PDXDC1: variants seen among roughly 807,000 people sequenced by gnomAD.
The protein encoded by PDXDC1 is pyridoxal-dependent decarboxylase domain-containing protein 1.
PDXDC1 carries 42 observed loss-of-function variants against 100.1 expected under a neutral mutation model. That is an observed-to-expected ratio of 0.42 (90% confidence interval 0.33 to 0.54). The LOEUF (loss-of-function observed/expected upper bound fraction) is 0.54. Among genes scored for constraint, PDXDC1 ranks in the 20% least tolerant of loss-of-function variants. The pLI is 0.10. For missense variants in PDXDC1, 636 were observed against 979.2 expected, an observed-to-expected ratio of 0.65 and a Z score of 4.68; for synonymous variants, 260 against 371.7, an observed-to-expected ratio of 0.70 and a Z score of 3.46.
At chr16:15,001,015 G>A (rs1973030425) in intron 3 of PDXDC1, among the ~76,000 whole-genome samples, 1 of 151,730 alleles carries the variant, frequency 6.6e-6, no homozygotes, top group South Asian at 2.1e-4. Context: ...AATATTCTCT[G>A]TCTTGTACTC....
intron 16 of PDXDC1, among the ~76,000 whole-genome samples, chr16:15,030,983 C>G (rs1303933882): frequency 1.3e-5 from 2 of 150,450 alleles, no homozygotes; most frequent in African/African-American, 4.9e-5. Context: ...AACAGGGTCT[C>G]ATTTGTCACC....
chr16:14,977,194 C>T (rs1966881623), intron 1 of PDXDC1, among the ~76,000 whole-genome samples: 1 of 150,924 alleles, frequency 6.6e-6, no homozygotes, highest in East Asian at 2.0e-4. Flanking sequence ...GAATTCAGAA[C>T]GTGTGGGCTG....
chr16:14,990,227 G>GGCC, intron 1 of PDXDC1: 1 of 918,992 alleles, frequency 1.1e-6, no homozygotes, highest in Non-Finnish European at 1.3e-6. Flanking sequence ...CCACCGGCCC[G>GGCC]GCCGCCCGTG....
At position 15,049,322 on chromosome 16, in the gene PDXDC1, C is replaced by T. The variant is rs1353147834; in HGVS notation, c.1399+19266C>T. Among the ~76,000 whole-genome samples, 4 of 152,202 alleles carry T rather than the reference C, an allele frequency of 2.6e-5. No individual in the cohort carries two copies. The East Asian group carries it at 7.7e-4, about 29-fold the overall frequency. ...GGGATTACATGCATAAGCCACCATA[C>T]CTGGCCTCCGCTTTTTTACCTTAGT... On this transcript the variant is annotated intron_variant, in intron 16 of 16. Transcript: ENST00000535621.
At chr16:14,976,924 T>A (rs1966864050) in intron 1 of PDXDC1, 1 of 152,316 alleles carries the variant, frequency 6.6e-6, no homozygotes, top group South Asian at 2.1e-4. Context: ...CTTCATGTGA[T>A]TGTAATTGGA....
chr16:15,025,651 G>A (rs1424127836), intron 13 of PDXDC1: 1 of 152,384 alleles, frequency 6.6e-6, no homozygotes, highest in Non-Finnish European at 1.5e-5. Flanking sequence ...TTCCTGTTGC[G>A]GCCCTACCAG....
intron 16 of PDXDC1, chr16:15,061,820 A>C (rs1323944068): frequency 6.2e-7 from 1 of 1,614,084 alleles, no homozygotes; most frequent in East Asian, 2.2e-5. Context: ...ATGCGTGTCA[A>C]AGGAGCTTGG....
chr16:15,044,640 A>G, intron 16 of PDXDC1: 1 of 570,626 alleles, frequency 1.8e-6, no homozygotes, highest in Non-Finnish European at 3.1e-6. Flanking sequence ...GTATCTGAAC[A>G]CAAATGTGAT....
chr16:14,994,277 A>G (rs1162164212), intron 1 of PDXDC1, among the ~76,000 whole-genome samples: 35 of 152,388 alleles, frequency 2.3e-4, no homozygotes, highest in African/African-American at 8.2e-4. Flanking sequence ...TTTTAGGTCT[A>G]ACATTTAAGT....
chr16:14,995,541 G>A lies in PDXDC1; in HGVS notation c.22-2212G>A, dbSNP rs557026826. On this transcript the variant is annotated intron_variant, in intron 1 of 22. Coordinates refer to ENST00000396410, the MANE Select transcript of PDXDC1 (RefSeq NM_015027.4). ...TTTCATGTGCTGCTGGATTCAGTTT[G>A]CCAGTGTTTTATTGAGGATTTTTGC... is the stretch of plus-strand genomic sequence containing the variant. 2.0e-5 allele frequency among the ~76,000 whole-genome samples: 3 copies of A among 152,398 alleles called. No individual in the cohort carries two copies. In the South Asian group the frequency reaches 6.2e-4, roughly 32 times the overall value.
intron 16 of PDXDC1, among the ~76,000 whole-genome samples, chr16:15,087,795 G>T (rs1302514311): frequency 6.6e-6 from 1 of 152,104 alleles, no homozygotes; most frequent in African/African-American, 2.4e-5. Flanking sequence ...AAACTATAAG[G>T]ATAACATTTA....
At chr16:15,109,656 CAAAAAAAAAAAAAAAAAAAAAAAAAAAAA>C in intron 16 of PDXDC1, among the ~76,000 whole-genome samples, 1 of 18,706 alleles carries the variant, frequency 5.3e-5, no homozygotes, top group East Asian at 1.8e-3. Flanking sequence ...GACTCTGTCT[CAAAAAAAAAAAAAAAAAAAAAAAAAAAAA>C]AAAAAAAAAA....
intron 6 of PDXDC1, among the ~76,000 whole-genome samples, chr16:15,007,157 C>CTTTTTTT (rs56256230): frequency 6.8e-5 from 5 of 73,958 alleles, no homozygotes; most frequent in Non-Finnish European, 7.0e-5. Context: ...AAGAGCATGA[C>CTTTTTTT]TTTTTTTTTT....
intron 16 of PDXDC1, chr16:15,047,966 A>G: frequency 1.2e-6 from 2 of 1,601,296 alleles, no homozygotes; most frequent in Non-Finnish European, 1.7e-6. Context: ...GCCTTTTGGG[A>G]TAACGCCCAA....
At chr16:15,149,195 T>A in the PDXDC1 span, among the ~76,000 whole-genome samples, 1 of 152,296 alleles carries the variant, frequency 6.6e-6, no homozygotes, top group African/African-American at 2.4e-5. Context: ...GGGGACTCTC[T>A]CTGGGCAGCT....
At chr16:15,006,166 C>G (rs1312904621) in intron 5 of PDXDC1, among the ~76,000 whole-genome samples, 2 of 152,268 alleles carry the variant, frequency 1.3e-5, no homozygotes, top group Non-Finnish European at 2.9e-5. Context: ...AGTTTCTGCT[C>G]TTTATGGAAT....
chr16:15,145,180 TG>T, the PDXDC1 span, among the ~76,000 whole-genome samples: 6 of 146,614 alleles, frequency 4.1e-5, no homozygotes, highest in African/African-American at 5.1e-5. Context: ...AAGAGGGTGG[TG>T]GGGGGGGCCA....
intron 6 of PDXDC1, among the ~76,000 whole-genome samples, chr16:15,007,205 C>G (rs2040856641): frequency 8.8e-6 from 1 of 114,130 alleles, no homozygotes; most frequent in Admixed American, 1.4e-4. Context: ...GAGTCTTGCT[C>G]TGTCGCCCAG....
the PDXDC1 span, among the ~76,000 whole-genome samples, chr16:15,149,421 T>C: frequency 2.0e-5 from 3 of 152,178 alleles, no homozygotes; most frequent in Non-Finnish European, 4.4e-5. Flanking sequence ...GCTCTCAGGA[T>C]CCAGGGACCA....
Sources: gnomAD v4.1 joint callset for allele counts (sites outside exome capture counted in the v4.1 genomes callset) on GRCh38, gnomAD v4.1.1 for gene constraint, MANE v1.5 for transcripts, NCBI Gene and HGNC (gene_info 2026-07-23, HGNC 2026-07-21) for gene names.